ADAMTS14: variants seen among roughly 807,000 people sequenced by gnomAD.
ADAMTS14 encodes the protein ADAM metallopeptidase with thrombospondin type 1 motif 14.
Under a neutral mutation model 128.6 loss-of-function variants are expected in ADAMTS14, and 100 were observed. The ratio of observed to expected loss-of-function variants is 0.78; its 90% CI spans 0.66 to 0.92. The LOEUF (loss-of-function observed/expected upper bound fraction) is 0.92. Among genes scored for constraint, ADAMTS14 ranks in the 40% least tolerant of loss-of-function variants. ADAMTS14 has a pLI of 0.00. For synonymous variants in ADAMTS14, 665 were observed against 653.8 expected (o/e 1.02, Z -0.26); for missense variants, 1,562 against 1,658.6 (o/e 0.94, Z 1.01).
intron 21 of ADAMTS14, among the ~76,000 whole-genome samples, 189 bp from the exon 22 acceptor site, chr10:70,760,170 TC>T (rs1842571892): frequency 6.6e-6 from 1 of 152,086 alleles, no homozygotes; most frequent in Non-Finnish European, 1.5e-5. Flanking sequence ...TACTTCCTCT[TC>T]CATGTAGTCA....
At chr10:70,724,206 C>A (rs1254689975) in intron 4 of ADAMTS14, among the ~76,000 whole-genome samples, 1 of 152,090 alleles carries the variant, frequency 6.6e-6, no homozygotes, top group African/African-American at 2.4e-5. Context: ...TGGTACATAC[C>A]CAGTGGTTAT....
chr10:70,745,929 T>C (rs1280910742), intron 15 of ADAMTS14, among the ~76,000 whole-genome samples: 2 of 152,182 alleles, frequency 1.3e-5, no homozygotes, highest in Non-Finnish European at 2.9e-5. Flanking sequence ...TAACCCAGTG[T>C]TATTCACATT....
chr10:70,697,772 C>T (rs1405976731), intron 2 of ADAMTS14, among the ~76,000 whole-genome samples: 1 of 52,586 alleles, frequency 1.9e-5, no homozygotes, highest in African/African-American at 5.2e-5. Flanking sequence ...TGGGCTTACA[C>T]CCTGAGGGGC....
At chr10:70,689,766 C>G (rs1485423554) in intron 2 of ADAMTS14, among the ~76,000 whole-genome samples, 2 of 145,380 alleles carry the variant, frequency 1.4e-5, no homozygotes, top group African/African-American at 4.9e-5. Flanking sequence ...GGCATTCCTC[C>G]CAGAGAAGCC....
At chr10:70,732,425 C>A in intron 7 of ADAMTS14, 66 bp downstream of exon 7, 1 of 1,432,148 alleles carries the variant, frequency 7.0e-7, no homozygotes. Context: ...AATTCTGTGG[C>A]TGTGGGAGGA....
At chr10:70,717,433 G>A (rs1195974975) in intron 4 of ADAMTS14, among the ~76,000 whole-genome samples, 1 of 152,202 alleles carries the variant, frequency 6.6e-6, no homozygotes, top group Non-Finnish European at 1.5e-5. Flanking sequence ...CAAGTGTGTG[G>A]CAACAGGTGA....
chr10:70,761,065 C>A lies in ADAMTS14; in HGVS notation c.*212C>A. On this transcript the variant is annotated 3_prime_UTR_variant, in exon 22 of 22. Coordinates refer to ENST00000373207, the MANE Select transcript of ADAMTS14 (RefSeq NM_080722.4). ...GGGAAAGCCCTAATCGGAGATACCT[C>A]AGCAAGCTGCCCCCGGCGGGACTGA... The A allele has an allele frequency of 1.4e-6, 1 of 709,986 alleles. No individual in the cohort carries two copies. 44.0% of individuals were successfully genotyped at this position (709,986 alleles called of 1,614,324 possible).
intron 4 of ADAMTS14, among the ~76,000 whole-genome samples, chr10:70,717,301 C>T (rs534232140): frequency 6.6e-6 from 1 of 152,122 alleles, no homozygotes; most frequent in Admixed American, 6.5e-5. Context: ...GGAGGGCTGT[C>T]TACAGGGGCT....
intron 4 of ADAMTS14, among the ~76,000 whole-genome samples, chr10:70,709,394 G>C (rs539514567): frequency 2.6e-5 from 4 of 151,298 alleles, no homozygotes; most frequent in Non-Finnish European, 4.4e-5. Flanking sequence ...TCACAGAAAA[G>C]CTAGTTTTTC....
chr10:70,698,664 G>A (rs189981102), intron 2 of ADAMTS14, among the ~76,000 whole-genome samples: 5 of 152,198 alleles, frequency 3.3e-5, no homozygotes, highest in African/African-American at 9.6e-5. Context: ...GGGAGGTTCC[G>A]CCCTGATCCC....
chr10:70,741,069 G>A lies in ADAMTS14; in HGVS notation c.1831G>A (p.Glu611Lys), dbSNP rs546049764. ...CNSEECPGTY[E>K]DFRAQQCAKR... ...CAGCGAGGAGTGCCCTGGGACCTAC[G>A]AGGACTTCCGGGCCCAGCAGTGTGC... is the stretch of plus-strand genomic sequence containing the variant. The change falls in exon 12 of 22, where the codon GAG becomes AAG. Residue 611 changes from glutamate (E) to lysine (K), a missense_variant. By Grantham distance (56) the Glu-to-Lys change is moderately conservative. Coordinates refer to ENST00000373207, the MANE Select transcript of ADAMTS14 (RefSeq NM_080722.4). The A allele has an allele frequency of 1.2e-5, 19 of 1,614,016 alleles. No homozygotes were observed. In the South Asian group the frequency reaches 1.9e-4, roughly 16 times the overall value.
intron 2 of ADAMTS14, among the ~76,000 whole-genome samples, chr10:70,679,675 C>T (rs1034061726): frequency 6.6e-6 from 1 of 152,260 alleles, no homozygotes; most frequent in African/African-American, 2.4e-5. Context: ...AGCTTGGCTG[C>T]ACCGTGTTTC....
In ADAMTS14 at chr10:70,735,222, C is replaced by G. The variant is rs765242015; in HGVS notation, c.1406C>G (p.Pro469Arg). 5.0e-6 allele frequency: 8 copies of G among 1,614,044 alleles called. No homozygotes were observed. The South Asian group carries it at 7.7e-5, about 16-fold the overall frequency. ...DPFDPAWPQP[P>R]ELPGINYSMD... ...TTTGATCCTGCCTGGCCCCAGCCCCCAGAGCTGCCTGGGATCAACTACTCA... is the reference window on the plus strand; with the variant it reads ...TTTGATCCTGCCTGGCCCCAGCCCCGAGAGCTGCCTGGGATCAACTACTCA... Residue 469 changes from proline (P) to arginine (R), a missense_variant, in exon 9 of 22, where the codon CCA becomes CGA. Pro to Arg is a moderately radical substitution (Grantham distance 103). Coordinates refer to ENST00000373207, the MANE Select transcript of ADAMTS14 (RefSeq NM_080722.4).
At chr10:70,697,358 A>G (rs1840359721) in intron 2 of ADAMTS14, among the ~76,000 whole-genome samples, 1 of 152,144 alleles carries the variant, frequency 6.6e-6, no homozygotes, top group Admixed American at 6.5e-5. Context: ...GTCTCCTGAG[A>G]GCCAAGCCAC....
Position 70,760,801 on chromosome 10 carries a change from A to G in ADAMTS14, c.3620A>G (p.Glu1207Gly). ...PVPEDKGQPG[E>G]DLRHPGTSLP... is the part of the protein sequence containing the mutation. ...CCTGAGGACAAAGGGCAACCTGGAG[A>G]AGACCTGAGACATCCCGGCACCAGC... is the stretch of plus-strand genomic sequence containing the variant. Residue 1207 changes from glutamate to glycine, a missense_variant, in exon 22 of 22, where the codon GAA becomes GGA. Transcript: ENST00000373207. The G allele has an allele frequency of 6.2e-7, 1 of 1,603,664 alleles. No individual in the cohort carries two copies. Among genetic ancestry groups the G allele is most frequent in the Non-Finnish European group, 8.5e-7 (1 of 1,173,396 alleles).
intron 4 of ADAMTS14, among the ~76,000 whole-genome samples, chr10:70,720,638 T>A (rs1841227154): frequency 6.6e-6 from 1 of 152,246 alleles, no homozygotes; most frequent in South Asian, 2.1e-4. Flanking sequence ...CAGGTAGTAG[T>A]ATATTGCTGT....
At chr10:70,736,328 G>T (rs1463593660) in intron 9 of ADAMTS14, among the ~76,000 whole-genome samples, 1 of 152,130 alleles carries the variant, frequency 6.6e-6, no homozygotes, top group East Asian at 1.9e-4. Context: ...ATGTGCACAG[G>T]GCTCAGGGCA....
chr10:70,702,398 A>G lies in ADAMTS14; in HGVS notation c.609A>G (p.Thr203=). 1 of 1,614,072 alleles carries G rather than the reference A, an allele frequency of 6.2e-7. No homozygotes were observed. Among genetic ancestry groups the G allele is most frequent in the South Asian group, 1.1e-5 (1 of 91,066 alleles). ...AGGAGAAGGAGGCCAGCGGGAGGAC[A>G]CATGTGGTGTACCGCCGGGAGGCCG... ...GQQEKEASGR[T]HVVYRREAVQ... Residue 203 remains threonine, a synonymous_variant, in exon 3 of 22, where the codon ACA becomes ACG. Coordinates refer to ENST00000373207, the MANE Select transcript of ADAMTS14 (RefSeq NM_080722.4).
At chr10:70,712,574 G>C (rs1589288802) in intron 4 of ADAMTS14, among the ~76,000 whole-genome samples, 1 of 152,324 alleles carries the variant, frequency 6.6e-6, no homozygotes, top group East Asian at 1.9e-4. Flanking sequence ...TGCAAAAGGA[G>C]ACAAAATTGA....
Sources: allele counts gnomAD v4.1 joint callset (sites outside exome capture counted in the v4.1 genomes callset), GRCh38; gene constraint gnomAD v4.1.1; transcripts MANE v1.5; gene names NCBI Gene and HGNC (gene_info 2026-07-23, HGNC 2026-07-21).